SH3PXD2A: variants seen among roughly 807,000 people sequenced by gnomAD.
SH3PXD2A encodes the protein SH3 and PX domain-containing protein 2A.
In SH3PXD2A, 32 loss-of-function variants were observed where a neutral mutation model predicts 115.2. The ratio of observed to expected loss-of-function variants is 0.28; its 90% CI spans 0.21 to 0.37. The LOEUF (loss-of-function observed/expected upper bound fraction) is 0.37, where lower values mean the gene tolerates loss of function less well. Among genes scored for constraint, SH3PXD2A ranks in the 10% least tolerant of loss-of-function variants. The pLI, the probability that SH3PXD2A is intolerant of heterozygous loss-of-function variation, is 1.00. For synonymous variants in SH3PXD2A, 610 were observed against 629.1 expected (o/e 0.97, Z 0.45); for missense variants, 1,328 against 1,498.7 (o/e 0.89, Z 1.88).
intron 1 of SH3PXD2A, among the ~76,000 whole-genome samples, chr10:103,850,021 C>A (rs1041602327): frequency 6.6e-6 from 1 of 152,176 alleles, no homozygotes; most frequent in Non-Finnish European, 1.5e-5. Flanking sequence ...GTGACTCAGG[C>A]TGAGGCAATT....
At chr10:103,781,954 C>T (rs1419534946) in intron 2 of SH3PXD2A, among the ~76,000 whole-genome samples, 2 of 152,178 alleles carry the variant, frequency 1.3e-5, no homozygotes, top group East Asian at 3.9e-4. Flanking sequence ...GACCCTCAAG[C>T]TCAGAGGAAC....
At chr10:103,668,785 G>A in intron 6 of SH3PXD2A, 133 bp from the exon 7 acceptor site, 2 of 781,334 alleles carry the variant, frequency 2.6e-6, no homozygotes, top group Non-Finnish European at 2.2e-6. Flanking sequence ...AGGCGGAGGA[G>A]GGAGGAGAGT....
chr10:103,777,140 A>G (rs902206244), intron 2 of SH3PXD2A, among the ~76,000 whole-genome samples: 6 of 152,260 alleles, frequency 3.9e-5, no homozygotes, highest in African/African-American at 1.4e-4. Flanking sequence ...CTGACTGGTC[A>G]GGTGGGTGAG....
intron 6 of SH3PXD2A, among the ~76,000 whole-genome samples, chr10:103,690,431 T>G (rs1302502522): frequency 1.3e-5 from 2 of 152,098 alleles, no homozygotes; most frequent in Non-Finnish European, 2.9e-5. Context: ...TTGTGGAGGT[T>G]TGAGAGTCCA....
intron 5 of SH3PXD2A, among the ~76,000 whole-genome samples, chr10:103,708,186 C>T (rs182215499): frequency 6.6e-6 from 1 of 152,236 alleles, no homozygotes; most frequent in African/African-American, 2.4e-5. Context: ...TTCCTGATAA[C>T]CTTTGTTGGC....
At chr10:103,733,934 T>A (rs1051699435) in intron 4 of SH3PXD2A, among the ~76,000 whole-genome samples, 1 of 152,094 alleles carries the variant, frequency 6.6e-6, no homozygotes, top group Non-Finnish European at 1.5e-5. Context: ...AAACTTTTTT[T>A]TTTGGAGAGA....
rs2038642995 is a variant in SH3PXD2A, at chr10:103,756,529, C to G, written c.229+10565G>C. 6.6e-6 allele frequency among the ~76,000 whole-genome samples: 1 copy of G among 152,122 alleles called. No individual in the cohort carries two copies. Among genetic ancestry groups the G allele is most frequent in the African/African-American group, 2.4e-5 (1 of 41,410 alleles). The stretch of plus-strand genomic sequence containing the variant: ...CCAGAGTGCCCAGTGCCCAGAGGCT[C>G]CTGGGGAGGGAGGCTGCCCACCACA... On this transcript the variant is annotated intron_variant, in intron 3 of 14. Transcript: ENST00000369774. The surrounding 1 kb of genome is among the most constrained non-coding windows in gnomAD (Gnocchi z 4.4).
intron 6 of SH3PXD2A, among the ~76,000 whole-genome samples, chr10:103,677,684 G>A (rs2037556846): frequency 2.0e-5 from 3 of 152,290 alleles, no homozygotes; most frequent in South Asian, 4.1e-4. Flanking sequence ...GCGCATAGTA[G>A]GTGCTTATTA....
intron 9 of SH3PXD2A, 64 bp from the exon 10 acceptor site, chr10:103,622,617 G>C (rs2036624485): frequency 1.0e-6 from 1 of 972,046 alleles, no homozygotes; most frequent in African/African-American, 1.6e-5. Flanking sequence ...ATGGAGATGA[G>C]GATGAGATGG....
At chr10:103,686,149 A>T (rs982687814) in intron 6 of SH3PXD2A, among the ~76,000 whole-genome samples, 3 of 152,172 alleles carry the variant, frequency 2.0e-5, no homozygotes, top group Non-Finnish European at 4.4e-5. Context: ...TTCCAAGGAG[A>T]AGAATAAAGT....
intron 1 of SH3PXD2A, among the ~76,000 whole-genome samples, chr10:103,822,236 T>C (rs1169167203): frequency 6.6e-6 from 1 of 152,246 alleles, no homozygotes; most frequent in African/African-American, 2.4e-5. Flanking sequence ...TTATTTCTCT[T>C]GAGTAATAGG....
chr10:103,780,033 T>C (rs2038917329), intron 2 of SH3PXD2A, among the ~76,000 whole-genome samples: 1 of 152,164 alleles, frequency 6.6e-6, no homozygotes, highest in Non-Finnish European at 1.5e-5. Flanking sequence ...CTTCTCATCC[T>C]CCAAATGGCC....
intron 11 of SH3PXD2A, among the ~76,000 whole-genome samples, chr10:103,613,531 C>T (rs1209065971): frequency 6.6e-6 from 1 of 152,174 alleles, no homozygotes; most frequent in Non-Finnish European, 1.5e-5. Flanking sequence ...TGGCCTGCTA[C>T]TTCCCAGTCA....
At chr10:103,820,460 C>T (rs543449053) in intron 1 of SH3PXD2A, among the ~76,000 whole-genome samples, 9 of 152,200 alleles carry the variant, frequency 5.9e-5, no homozygotes, top group East Asian at 3.9e-4. Flanking sequence ...CCCAATTCCC[C>T]GGTTCCTCAT....
chr10:103,606,205 A>G (rs1231718401), intron 13 of SH3PXD2A, among the ~76,000 whole-genome samples: 5 of 151,002 alleles, frequency 3.3e-5, no homozygotes, highest in Non-Finnish European at 3.0e-5. Flanking sequence ...CATCATCATC[A>G]TCATCATCAT....
intron 5 of SH3PXD2A, among the ~76,000 whole-genome samples, chr10:103,705,549 C>A (rs1390009362): frequency 1.3e-5 from 2 of 152,198 alleles, no homozygotes; most frequent in Non-Finnish European, 2.9e-5. Context: ...CCCCATTTTA[C>A]AGATGAGAAA....
At chr10:103,643,716 C>T (rs1011088513) in intron 8 of SH3PXD2A, among the ~76,000 whole-genome samples, 1 of 152,140 alleles carries the variant, frequency 6.6e-6, no homozygotes, top group Non-Finnish European at 1.5e-5. Context: ...CTTCTCATGA[C>T]GAGATTCAAT....
intron 6 of SH3PXD2A, among the ~76,000 whole-genome samples, chr10:103,674,193 C>A (rs1263611373): frequency 2.0e-5 from 3 of 152,182 alleles, no homozygotes; most frequent in Non-Finnish European, 4.4e-5. Flanking sequence ...GGAAATTCGG[C>A]CACCACTTTC....
At chr10:103,725,314 G>T (rs1185865184) in intron 4 of SH3PXD2A, among the ~76,000 whole-genome samples, 1 of 152,170 alleles carries the variant, frequency 6.6e-6, no homozygotes, top group Non-Finnish European at 1.5e-5. Context: ...AGCTGAGGAT[G>T]CCTGGAGAAA....
Sources: allele counts gnomAD v4.1 joint callset (sites outside exome capture counted in the v4.1 genomes callset), GRCh38; gene constraint gnomAD v4.1.1; non-coding constraint Gnocchi (gnomAD v3.1); transcripts MANE v1.5; gene names NCBI Gene and HGNC (gene_info 2026-07-23, HGNC 2026-07-21).